The following ANO4 variants were observed in gnomAD, a reference collection of about 807,000 sequenced individuals.
The protein encoded by ANO4 is anoctamin-4.
Under a neutral mutation model 141.9 loss-of-function variants are expected in ANO4, and 69 were observed. The ratio of observed to expected loss-of-function variants is 0.49; its 90% CI spans 0.40 to 0.59. ANO4 has a LOEUF of 0.59. Ranked by LOEUF, ANO4 falls within the 20% of genes least tolerant of loss-of-function variation. ANO4 has a pLI of 0.00. For missense variants in ANO4, 894 were observed against 1,162.2 expected (o/e 0.77, Z 3.36); for synonymous variants, 350 against 394.3 (o/e 0.89, Z 1.33).
chr12:100,882,955 C>T (rs2039641887), intron 1 of ANO4, among the ~76,000 whole-genome samples: 1 of 152,166 alleles, frequency 6.6e-6, no homozygotes, highest in Non-Finnish European at 1.5e-5. Flanking sequence ...TCCGTCTTGG[C>T]CTCCCAAATT....
At chr12:100,751,688 T>C (rs888907982) in intron 3 of ANO4, among the ~76,000 whole-genome samples, 2 of 152,054 alleles carry the variant, frequency 1.3e-5, no homozygotes, top group Admixed American at 1.3e-4. Context: ...CTGGGTGTAC[T>C]GGAGTGACCC....
intron 3 of ANO4, among the ~76,000 whole-genome samples, chr12:100,777,269 C>CTT (rs71091463): frequency 0.015 from 743 of 50,612 alleles, 130 homozygotes; most frequent in African/African-American, 0.032. Context: ...ATTTTTGTAT[C>CTT]TTTTTTTTTT....
At chr12:100,843,408 C>G (rs986572195) in intron 1 of ANO4, among the ~76,000 whole-genome samples, 5 of 152,128 alleles carry the variant, frequency 3.3e-5, no homozygotes, top group Admixed American at 3.3e-4. Context: ...AATCTATACT[C>G]AGAAAATATC....
intron 3 of ANO4, among the ~76,000 whole-genome samples, chr12:100,759,399 G>A (rs2032758306): frequency 6.6e-6 from 1 of 152,198 alleles, no homozygotes; most frequent in Non-Finnish European, 1.5e-5. Context: ...TCAGGAGAAA[G>A]CAAGTCAATG....
At chr12:101,019,894 G>A in intron 8 of ANO4, 140 bp from the exon 9 acceptor site, 1 of 681,590 alleles carries the variant, frequency 1.5e-6, no homozygotes, top group Non-Finnish European at 2.6e-6. Context: ...GTGATCTCTG[G>A]CTCCCTCAGG....
intron 2 of ANO4, among the ~76,000 whole-genome samples, chr12:100,915,820 T>C (rs2136081716): frequency 6.6e-6 from 1 of 152,288 alleles, no homozygotes; most frequent in Non-Finnish European, 1.5e-5. Flanking sequence ...ATTTAATGAG[T>C]CAAGGTCACA....
At chr12:101,052,250 CTCGG>C (rs1410361771) in intron 14 of ANO4, among the ~76,000 whole-genome samples, 1 of 152,136 alleles carries the variant, frequency 6.6e-6, no homozygotes, top group Non-Finnish European at 1.5e-5. Flanking sequence ...GCAGGGCTCC[CTCGG>C]GATCCCTGAG....
At chr12:100,970,659 CCCTCTCCT>C (rs780156843) in intron 5 of ANO4, among the ~76,000 whole-genome samples, 52 of 113,634 alleles carry the variant, frequency 4.6e-4, no homozygotes, top group Non-Finnish European at 8.0e-4. Flanking sequence ...CTCCCTCCCT[CCCTCTCCT>C]TCCTTCCTTC....
At chr12:101,115,579 G>A (rs984786040) in intron 24 of ANO4, among the ~76,000 whole-genome samples, 1 of 152,184 alleles carries the variant, frequency 6.6e-6, no homozygotes, top group South Asian at 2.1e-4. Flanking sequence ...AAAGAAAAAT[G>A]TATACAGGAT....
At chr12:100,820,445 C>A (rs2035988378) in intron 1 of ANO4, among the ~76,000 whole-genome samples, 1 of 151,234 alleles carries the variant, frequency 6.6e-6, no homozygotes, top group African/African-American at 2.4e-5. Flanking sequence ...GATTACACAA[C>A]ATTTTTAAAA....
intron 1 of ANO4, among the ~76,000 whole-genome samples, chr12:100,804,736 A>G (rs534790497): frequency 6.6e-6 from 1 of 152,262 alleles, no homozygotes; most frequent in South Asian, 2.1e-4. Context: ...TATTGGCCGC[A>G]TGTATGTCTT....
chr12:100,822,749 G>A (rs1344185362), intron 1 of ANO4, among the ~76,000 whole-genome samples: 2 of 151,970 alleles, frequency 1.3e-5, no homozygotes, highest in Non-Finnish European at 2.9e-5. Flanking sequence ...GAAGAAACTT[G>A]ATCTTCCAGT....
At chr12:101,000,120 G>A (rs1453528469) in intron 8 of ANO4, among the ~76,000 whole-genome samples, 2 of 151,184 alleles carry the variant, frequency 1.3e-5, no homozygotes, top group Admixed American at 1.3e-4. Flanking sequence ...ACAAATGATA[G>A]TTATCATTAT....
chr12:101,051,598 C>T (rs888715868), intron 14 of ANO4, among the ~76,000 whole-genome samples: 18 of 152,136 alleles, frequency 1.2e-4, no homozygotes, highest in African/African-American at 3.1e-4. Flanking sequence ...CATTCATTTC[C>T]GAGGGATTAC....
chr12:100,753,595 G>C (rs965687663), intron 3 of ANO4, among the ~76,000 whole-genome samples: 3 of 152,130 alleles, frequency 2.0e-5, no homozygotes, highest in Non-Finnish European at 2.9e-5. Flanking sequence ...TCTGAGATGT[G>C]CCTGGGCCTA....
At chr12:101,039,807 A>G in intron 10 of ANO4, 148 bp from the exon 11 acceptor site, 1 of 819,614 alleles carries the variant, frequency 1.2e-6, no homozygotes, top group East Asian at 2.6e-5. Flanking sequence ...ATAACTCATC[A>G]AACTGCCTGC....
chr12:101,059,601 A>G (rs779161561), intron 14 of ANO4, among the ~76,000 whole-genome samples: 1 of 152,104 alleles, frequency 6.6e-6, no homozygotes, highest in African/African-American at 2.4e-5. Flanking sequence ...TTCCTGGTTT[A>G]GCCTTGGGAG....
At chr12:100,955,728 C>T (rs2043149660) in intron 5 of ANO4, among the ~76,000 whole-genome samples, 1 of 152,060 alleles carries the variant, frequency 6.6e-6, no homozygotes, top group South Asian at 2.1e-4. Flanking sequence ...CTATGGAAGC[C>T]CTGGGGAATT....
At chr12:100,765,351 G>A (rs1166345590) in intron 3 of ANO4, among the ~76,000 whole-genome samples, 1 of 146,150 alleles carries the variant, frequency 6.8e-6, no homozygotes, top group East Asian at 2.0e-4. Context: ...CTAATGATTT[G>A]TCAGTTCTGT....
Sources: allele counts gnomAD v4.1 joint callset (sites outside exome capture counted in the v4.1 genomes callset), GRCh38; gene constraint gnomAD v4.1.1; transcripts MANE v1.5; gene names NCBI Gene and HGNC (gene_info 2026-07-23, HGNC 2026-07-21).